Variants in FAM168A observed in about 807,000 individuals in gnomAD.
FAM168A encodes family with sequence similarity 168 member A, also known as protein FAM168A.
A neutral mutation model predicts 28.5 loss-of-function variants in FAM168A; 3 were observed. The observed-to-expected ratio is 0.11, with a 90% CI of 0.05 to 0.27. The LOEUF (loss-of-function observed/expected upper bound fraction) is 0.27. Among genes scored for constraint, FAM168A ranks in the 10% least tolerant of loss-of-function variants. The pLI is 1.00. For synonymous variants in FAM168A, 122 were observed against 124.2 expected (o/e 0.98, Z 0.12); for missense variants, 222 against 311.5 (o/e 0.71, Z 2.16).
chr11:73,553,559 G>T (rs138346877), intron 1 of FAM168A, among the ~76,000 whole-genome samples: 1 of 152,166 alleles, frequency 6.6e-6, no homozygotes, highest in Admixed American at 6.5e-5. Flanking sequence ...AGAGCCACTC[G>T]TCTACTCCTG....
At chr11:73,580,722 G>C (rs1486877238) in intron 1 of FAM168A, among the ~76,000 whole-genome samples, 1 of 152,218 alleles carries the variant, frequency 6.6e-6, no homozygotes, top group Non-Finnish European at 1.5e-5. Context: ...GATTGATGTG[G>C]GGAAAACACC....
chr11:73,480,984 T>C (rs1467737590), intron 1 of FAM168A, among the ~76,000 whole-genome samples: 2 of 152,246 alleles, frequency 1.3e-5, no homozygotes, highest in African/African-American at 4.8e-5. Flanking sequence ...TCTGAGTCTT[T>C]ACACATGCTG....
At chr11:73,589,854 G>A (rs572463315) in intron 1 of FAM168A, among the ~76,000 whole-genome samples, 14 of 152,234 alleles carry the variant, frequency 9.2e-5, no homozygotes, top group Admixed American at 8.5e-4. Context: ...TTGAACCCAG[G>A]AGGCGGAGGT....
chr11:73,446,279 C>A (rs1002329412), intron 2 of FAM168A, among the ~76,000 whole-genome samples: 2 of 152,190 alleles, frequency 1.3e-5, no homozygotes, highest in African/African-American at 4.8e-5. Context: ...ACAAAGGCAA[C>A]ATGCTGCAAA....
chr11:73,462,951 A>G (rs899346909), intron 2 of FAM168A, among the ~76,000 whole-genome samples: 1 of 151,896 alleles, frequency 6.6e-6, no homozygotes, highest in Non-Finnish European at 1.5e-5. Context: ...AGAGGTTAAG[A>G]TAGCAAATTT....
chr11:73,419,954 C>T lies in FAM168A; in HGVS notation c.197G>A (p.Cys66Tyr), dbSNP rs1272479704. Residue 66 changes from cysteine (C) to tyrosine (Y), a missense_variant, in exon 4 of 8, where the codon TGT (cysteine) becomes TAT (tyrosine). Physicochemically the swap from Cys to Tyr is radical, Grantham distance 194. Around this residue, in one of 3 missense-constraint regions of FAM168A, gnomAD observed 153 missense variants for 189.2 expected, o/e 0.81. Transcript: ENST00000356467. ...GAGGTGGAAGGTGCCTTCAGTGCCACAGGAAGACGAGTTCTGTGGCCAGGC... is the reference window on the plus strand; with the variant it reads ...GAGGTGGAAGGTGCCTTCAGTGCCATAGGAAGACGAGTTCTGTGGCCAGGC... ...KQAWPQNSSS[C>Y]GTEGTFHLPV... 1 of 1,613,864 alleles carries T rather than the reference C, an allele frequency of 6.2e-7. No homozygotes were observed. Among genetic ancestry groups the T allele is most frequent in the African/African-American group, 1.3e-5 (1 of 74,914 alleles).
At chr11:73,442,125 C>CTTTTTTTTTT (rs59066860) in intron 2 of FAM168A, among the ~76,000 whole-genome samples, 1 of 131,000 alleles carries the variant, frequency 7.6e-6, no homozygotes, top group African/African-American at 3.0e-5. Context: ...CTTTCTTCTT[C>CTTTTTTTTTT]TTTTTTTTTT....
intron 1 of FAM168A, among the ~76,000 whole-genome samples, chr11:73,499,364 C>A (rs1854957165): frequency 1.3e-5 from 2 of 152,146 alleles, no homozygotes; most frequent in Admixed American, 6.6e-5. Context: ...AAAACCCCAT[C>A]CAAGAGTCAG....
At chr11:73,594,868 C>T (rs1944426556) in intron 1 of FAM168A, among the ~76,000 whole-genome samples, 1 of 152,200 alleles carries the variant, frequency 6.6e-6, no homozygotes, top group Non-Finnish European at 1.5e-5. Flanking sequence ...AATCACTCAG[C>T]TTTCAAGTAG....
At chr11:73,421,868 G>A (rs776333016) in intron 3 of FAM168A, among the ~76,000 whole-genome samples, 6 of 152,172 alleles carry the variant, frequency 3.9e-5, no homozygotes, top group Non-Finnish European at 7.3e-5. Flanking sequence ...GAATTTGGAG[G>A]TTCTCTTCCA....
chr11:73,531,674 C>A (rs1943515038), intron 1 of FAM168A, among the ~76,000 whole-genome samples: 1 of 151,982 alleles, frequency 6.6e-6, no homozygotes, highest in African/African-American at 2.4e-5. Flanking sequence ...CTCACTGCTT[C>A]TCTTAAAACA....
intron 1 of FAM168A, among the ~76,000 whole-genome samples, chr11:73,484,578 CGA>C (rs68161005): frequency 9.8e-4 from 69 of 70,570 alleles, no homozygotes; most frequent in Non-Finnish European, 2.9e-4. Flanking sequence ...ATCTATATAT[CGA>C]TATCTATCTA....
chr11:73,465,314 G>C (rs1186955336), intron 2 of FAM168A, among the ~76,000 whole-genome samples: 2 of 150,780 alleles, frequency 1.3e-5, no homozygotes, highest in Non-Finnish European at 2.9e-5. Flanking sequence ...GAAAAGATGA[G>C]AAGAATGTTG....
At chr11:73,420,919 G>GAAAC (rs1204358400) in intron 3 of FAM168A, 2 of 152,612 alleles carry the variant, frequency 1.3e-5, no homozygotes, top group African/African-American at 4.8e-5. Context: ...AAGGAGAAGA[G>GAAAC]AAACAGAGTT....
chr11:73,527,543 A>C (rs17132094), intron 1 of FAM168A, among the ~76,000 whole-genome samples: 4,523 of 152,300 alleles, frequency 0.03, 223 homozygotes, highest in African/African-American at 0.1. Flanking sequence ...AGGAATTATC[A>C]CATCCATTTT....
At chr11:73,536,278 T>C (rs980924224) in intron 1 of FAM168A, among the ~76,000 whole-genome samples, 1 of 152,114 alleles carries the variant, frequency 6.6e-6, no homozygotes, top group Non-Finnish European at 1.5e-5. Flanking sequence ...CCAGAAGAAA[T>C]TTGGGACCAC....
At chr11:73,447,393 TA>T (rs531272327) in intron 2 of FAM168A, among the ~76,000 whole-genome samples, 38 of 144,702 alleles carry the variant, frequency 2.6e-4, no homozygotes, top group East Asian at 4.0e-4. Context: ...TACCAAAAAT[TA>T]AAAAAAAAAA....
chr11:73,582,637 A>G (rs887860336), intron 1 of FAM168A, among the ~76,000 whole-genome samples: 3 of 152,254 alleles, frequency 2.0e-5, no homozygotes, highest in Non-Finnish European at 2.9e-5. Flanking sequence ...AATCAAATAC[A>G]CAAGCATTTG....
chr11:73,490,909 T>C (rs1179673482), intron 1 of FAM168A, among the ~76,000 whole-genome samples: 3 of 152,190 alleles, frequency 2.0e-5, no homozygotes, highest in Non-Finnish European at 4.4e-5. Flanking sequence ...TACTGTTGCA[T>C]CCCCAGTGCT....
Sources: gnomAD v4.1 joint callset for allele counts (sites outside exome capture counted in the v4.1 genomes callset) on GRCh38, gnomAD v4.1.1 for gene constraint, gnomAD v4.1.1 regional missense constraint, MANE v1.5 for transcripts, NCBI Gene and HGNC (gene_info 2026-07-23, HGNC 2026-07-21) for gene names.